The following PPARGC1A variants were observed in gnomAD, a reference collection of about 807,000 sequenced individuals.
PPARGC1A encodes PPARG coactivator 1 alpha.
Under a neutral mutation model 88.7 loss-of-function variants are expected in PPARGC1A, and 25 were observed. That is an observed-to-expected ratio of 0.28 (90% CI 0.21 to 0.39). The LOEUF (loss-of-function observed/expected upper bound fraction) is 0.39. Ranked by LOEUF, PPARGC1A falls within the 10% of genes least tolerant of loss-of-function variation. The probability of loss-of-function intolerance (pLI) is 1.00; values close to 1 mark genes in which losing one functional copy is unlikely to be tolerated. For synonymous variants in PPARGC1A, 363 were observed against 355.6 expected, an observed-to-expected ratio of 1.02 and a Z score of -0.24; for missense variants, 880 against 968.7, an observed-to-expected ratio of 0.91 and a Z score of 1.22.
At chr4:24,168,492 T>A in the PPARGC1A span, among the ~76,000 whole-genome samples, 1 of 152,228 alleles carries the variant, frequency 6.6e-6, no homozygotes, top group South Asian at 2.1e-4. Context: ...GTTTCTTACA[T>A]CATTCTCCAA....
the PPARGC1A span, among the ~76,000 whole-genome samples, chr4:24,373,229 G>A: frequency 2.0e-5 from 3 of 152,212 alleles, no homozygotes; most frequent in African/African-American, 4.8e-5. Flanking sequence ...CGGGTCTGGC[G>A]ATACTGGGGC....
the PPARGC1A span, among the ~76,000 whole-genome samples, chr4:24,259,959 T>C: frequency 1.3e-5 from 2 of 152,118 alleles, no homozygotes; most frequent in African/African-American, 4.8e-5. Context: ...AGGGTGCGAG[T>C]TGGGTGACCT....
At chr4:24,109,963 G>A in the PPARGC1A span, among the ~76,000 whole-genome samples, 1 of 152,156 alleles carries the variant, frequency 6.6e-6, no homozygotes, top group South Asian at 2.1e-4. Flanking sequence ...AGCCTAGAGA[G>A]GAAGTGAGGC....
chr4:24,260,407 TTTC>T, the PPARGC1A span, among the ~76,000 whole-genome samples: 13 of 152,206 alleles, frequency 8.5e-5, no homozygotes, highest in African/African-American at 2.9e-4. Flanking sequence ...TCTAAACAGA[TTTC>T]TTGTTTACTT....
At chr4:24,020,172 A>G in the PPARGC1A span, among the ~76,000 whole-genome samples, 1 of 152,282 alleles carries the variant, frequency 6.6e-6, no homozygotes, top group East Asian at 1.9e-4. Flanking sequence ...AAGCCAGTCT[A>G]CCACCCAAAA....
the PPARGC1A span, among the ~76,000 whole-genome samples, chr4:24,404,448 C>T: frequency 6.6e-6 from 1 of 151,984 alleles, no homozygotes; most frequent in Admixed American, 6.6e-5. Context: ...CAAATCCTGA[C>T]TCATCAGGAT....
the PPARGC1A span, among the ~76,000 whole-genome samples, chr4:24,113,159 G>A: frequency 1.3e-5 from 2 of 152,104 alleles, no homozygotes; most frequent in East Asian, 1.9e-4. Context: ...TCCTTTTAGA[G>A]CACAATCCAT....
the PPARGC1A span, among the ~76,000 whole-genome samples, chr4:23,931,834 T>C: frequency 6.6e-6 from 1 of 152,178 alleles, no homozygotes; most frequent in African/African-American, 2.4e-5. Flanking sequence ...ATGACGATCT[T>C]TGGAGTCAGA....
the PPARGC1A span, among the ~76,000 whole-genome samples, chr4:23,951,355 A>AT: frequency 6.6e-6 from 1 of 152,134 alleles, no homozygotes; most frequent in Non-Finnish European, 1.5e-5. Context: ...CATGTTGGTC[A>AT]TTTTTACTAG....
intron 2 of PPARGC1A, among the ~76,000 whole-genome samples, chr4:23,873,886 C>T (rs751184549): frequency 6.6e-6 from 1 of 152,106 alleles, no homozygotes; most frequent in Non-Finnish European, 1.5e-5. Context: ...GAAAATGATA[C>T]CGTTAGATGA....
the PPARGC1A span, among the ~76,000 whole-genome samples, chr4:24,222,596 C>A: frequency 6.6e-6 from 1 of 152,304 alleles, no homozygotes; most frequent in African/African-American, 2.4e-5. Flanking sequence ...ATCAAACTCC[C>A]TAAGAGAAAT....
the PPARGC1A span, among the ~76,000 whole-genome samples, chr4:24,051,187 CAAAAAAAAAAAA>C: frequency 3.4e-5 from 2 of 58,618 alleles, no homozygotes; most frequent in Non-Finnish European, 5.7e-5. Flanking sequence ...GACTCTGTCT[CAAAAAAAAAAAA>C]AAAAAAAAAA....
At chr4:24,436,515 A>G in the PPARGC1A span, among the ~76,000 whole-genome samples, 2,231 of 71,338 alleles carry the variant, frequency 0.031, 5 homozygotes, top group Middle Eastern at 0.15. Flanking sequence ...CCAGGTCACA[A>G]AGCTGACATC....
chr4:24,119,861 G>T, the PPARGC1A span, among the ~76,000 whole-genome samples: 2 of 152,116 alleles, frequency 1.3e-5, no homozygotes, highest in Non-Finnish European at 2.9e-5. Context: ...ACTTATAAAA[G>T]GTGCCTGAAA....
chr4:24,029,041 T>C, the PPARGC1A span, among the ~76,000 whole-genome samples: 1 of 152,236 alleles, frequency 6.6e-6, no homozygotes, highest in Non-Finnish European at 1.5e-5. Context: ...GCTTACATGT[T>C]ATACATAACC....
chr4:24,073,714 G>A, the PPARGC1A span, among the ~76,000 whole-genome samples: 4 of 152,200 alleles, frequency 2.6e-5, no homozygotes, highest in Admixed American at 1.3e-4. Flanking sequence ...GGAAAACATG[G>A]AGGTTAACAC....
At chr4:24,188,833 T>A in the PPARGC1A span, among the ~76,000 whole-genome samples, 1 of 152,092 alleles carries the variant, frequency 6.6e-6, no homozygotes, top group African/African-American at 2.4e-5. Context: ...CTCAAAAATA[T>A]ATTTATACAC....
At chr4:24,168,691 C>T in the PPARGC1A span, among the ~76,000 whole-genome samples, 1 of 151,804 alleles carries the variant, frequency 6.6e-6, no homozygotes. Flanking sequence ...ATCAAAGGGA[C>T]CTAGCCACCA....
the PPARGC1A span, among the ~76,000 whole-genome samples, chr4:24,382,986 G>C: frequency 6.6e-6 from 1 of 152,190 alleles, no homozygotes; most frequent in South Asian, 2.1e-4. Flanking sequence ...ATACAGGAGA[G>C]CTCCAGCTGG....
Sources: allele counts gnomAD v4.1 joint callset (sites outside exome capture counted in the v4.1 genomes callset), GRCh38; gene constraint gnomAD v4.1.1; transcripts MANE v1.5; gene names NCBI Gene and HGNC (gene_info 2026-07-23, HGNC 2026-07-21).